The following COL4A5 variants were observed in gnomAD, a reference collection of about 807,000 sequenced individuals.
COL4A5 encodes collagen type IV alpha 5 chain, also known as collagen alpha-5(IV) chain.
In COL4A5, 26 loss-of-function variants were observed where a neutral mutation model predicts 130.2. That is an observed-to-expected ratio of 0.20 (90% CI 0.15 to 0.28). The LOEUF (loss-of-function observed/expected upper bound fraction) is 0.28, where lower values mean the gene tolerates loss of function less well. COL4A5 is among the 10% of genes least tolerant of loss of function. COL4A5 has a pLI of 1.00. For synonymous variants in COL4A5, 496 were observed against 439.6 expected, an observed-to-expected ratio of 1.13 and a Z score of -1.60; for missense variants, 1,131 against 1,344.3, an observed-to-expected ratio of 0.84 and a Z score of 2.48.
chrX:108,602,833 T>C, intron 27 of COL4A5, 131 bp from the exon 28 acceptor site: 1 of 510,239 alleles, frequency 2.0e-6, no homozygotes, highest in South Asian at 2.8e-5. Context: ...TCCTAAGTAG[T>C]AGAATGTCAT....
At chrX:108,659,239 A>G (rs1252773166) in intron 37 of COL4A5, among the ~76,000 whole-genome samples, 9 of 111,141 alleles carry the variant, frequency 8.1e-5, no homozygotes, top group African/African-American at 2.9e-4. Flanking sequence ...TTTTAATTTG[A>G]TTCTATTGTG....
In COL4A5 at chrX:108,677,699, C is replaced by T. The variant is rs1474338214; in HGVS notation, c.3942+66C>T. On this transcript the variant is annotated intron_variant, in intron 44 of 52. Coordinates refer to ENST00000328300, the MANE Select transcript of COL4A5 (RefSeq NM_033380.3). ...GGTGTTTGTATTCAAAATGTGAATTCTAAGCTGCATCATTTTAATTAACAC... is the reference window on the plus strand; with the variant it reads ...GGTGTTTGTATTCAAAATGTGAATTTTAAGCTGCATCATTTTAATTAACAC... 6.2e-6 allele frequency: 7 copies of T among 1,128,324 alleles called. No individual in the cohort carries two copies. In the Admixed American group the frequency reaches 1.1e-4, roughly 18 times the overall value. 93.0% of individuals were successfully genotyped at this position (1,128,324 alleles called of 1,213,427 possible). A position where few individuals can be genotyped will look rare whatever the true frequency, so the allele number is the denominator to read the frequency against.
intron 1 of COL4A5, among the ~76,000 whole-genome samples, chrX:108,484,414 T>C (rs1164707805): frequency 8.9e-6 from 1 of 112,028 alleles, no homozygotes; most frequent in African/African-American, 3.2e-5. Flanking sequence ...GTAGTTATTG[T>C]TCACAGTTTG....
At chrX:108,526,600 CTTTCTTTCTTTCTTTCT>C (rs2065317207) in intron 1 of COL4A5, among the ~76,000 whole-genome samples, 23 of 23,298 alleles carry the variant, frequency 9.9e-4, no homozygotes, top group South Asian at 3.6e-3. Context: ...TCCCTCCTTT[CTTTCTTTCTTTCTTTCT>C]TTCTTTCTTT....
chrX:108,672,204 A>AGAT (rs1456131210), intron 42 of COL4A5, among the ~76,000 whole-genome samples: 2 of 112,418 alleles, frequency 1.8e-5, no homozygotes, highest in Non-Finnish European at 3.7e-5. Context: ...ACTATCACTA[A>AGAT]GATAAAGCAA....
rs777453684 is a variant in COL4A5 at position 108,546,469 on chromosome X, A to G, written c.141+6664A>G. 8.0e-5 allele frequency among the ~76,000 whole-genome samples: 9 copies of G among 112,171 alleles called. No homozygotes were observed. In the East Asian group the frequency reaches 2.0e-3, roughly 24 times the overall value. On this transcript the variant is annotated intron_variant, in intron 2 of 52. Transcript: ENST00000328300. ...TCTTCTGGCTTGTAGAGTTTCTGCCAAGAGATCCACTGTTAGTCTGATGGG... is the reference window on the plus strand; with the variant it reads ...TCTTCTGGCTTGTAGAGTTTCTGCCGAGAGATCCACTGTTAGTCTGATGGG...
intron 29 of COL4A5, among the ~76,000 whole-genome samples, chrX:108,608,883 T>C (rs1051136486): frequency 8.9e-6 from 1 of 111,927 alleles, no homozygotes; most frequent in Non-Finnish European, 1.9e-5. Context: ...TCCTTATAAA[T>C]GGAACTCCTT....
rs762702742 is a variant in COL4A5, at chrX:108,646,797, A to G, written c.3247-8534A>G. 5.4e-3 allele frequency among the ~76,000 whole-genome samples: 606 copies of G among 111,532 alleles called. 2 individuals are homozygous for G. The highest frequency in any genetic ancestry group is 0.018 in the African/African-American group (564 of 30,524). On this transcript the variant is annotated intron_variant, in intron 36 of 52. Coordinates refer to ENST00000328300, the MANE Select transcript of COL4A5 (RefSeq NM_033380.3). Reference sequence around the variant, plus strand: ...GGTATCCAGTTTCAGCTTTCTACATATGGCTAGCCAGTTTTCCCAGCACCA... The same window carrying G: ...GGTATCCAGTTTCAGCTTTCTACATGTGGCTAGCCAGTTTTCCCAGCACCA...
intron 1 of COL4A5, among the ~76,000 whole-genome samples, chrX:108,467,764 T>C (rs1179038627): frequency 8.9e-6 from 1 of 112,097 alleles, no homozygotes; most frequent in African/African-American, 3.2e-5. Context: ...GATGTTATTG[T>C]AAATGGAATT....
intron 1 of COL4A5, among the ~76,000 whole-genome samples, chrX:108,490,047 T>C (rs2064980692): frequency 1.8e-5 from 2 of 111,729 alleles, no homozygotes; most frequent in African/African-American, 6.5e-5. Context: ...AGTGGTAACA[T>C]CTTGCAGAAC....
intron 1 of COL4A5, among the ~76,000 whole-genome samples, chrX:108,512,169 G>A (rs1210165313): frequency 1.8e-5 from 2 of 112,071 alleles, no homozygotes; most frequent in African/African-American, 3.2e-5. Context: ...AATTCCATAA[G>A]ATGAAATGCA....
intron 47 of COL4A5, among the ~76,000 whole-genome samples, 154 bp downstream of exon 47, chrX:108,682,042 G>A (rs1286363605): frequency 9.0e-6 from 1 of 111,549 alleles, no homozygotes; most frequent in African/African-American, 3.3e-5. Flanking sequence ...TTCTCCTAAT[G>A]CTATCCCTCC....
intron 51 of COL4A5, 109 bp from the exon 52 acceptor site, chrX:108,695,158 G>C: frequency 9.9e-7 from 1 of 1,008,178 alleles, no homozygotes; most frequent in South Asian, 1.9e-5. Context: ...CTCTGGGCCT[G>C]TTCCTTCACT....
chrX:108,695,436 T>C lies in COL4A5; in HGVS notation c.4991T>C (p.Phe1664Ser). The C allele has an allele frequency of 8.3e-7, 1 of 1,210,628 alleles. No individual in the cohort carries two copies. Among genetic ancestry groups the C allele is most frequent in the South Asian group, 1.8e-5 (1 of 56,980 alleles). The change falls in exon 52 of 53, where the codon TTC becomes TCC. Residue 1664 changes from phenylalanine to serine, a missense_variant. Transcript: ENST00000328300. ...WLATVDVSDM[F>S]SKPQSETLKA... ...GCAACTGTAGATGTGTCAGACATGT[T>C]CAGGTAAAGTGCTTATAGCTTTAAT...
chrX:108,448,134 C>T (rs760104302), intron 1 of COL4A5, among the ~76,000 whole-genome samples: 26 of 112,246 alleles, frequency 2.3e-4, no homozygotes, highest in African/African-American at 8.1e-4. Flanking sequence ...GAAATGGGAA[C>T]CTTAAATCCC....
At chrX:108,626,487 T>C (rs1216848669) in intron 36 of COL4A5, 138 bp downstream of exon 36, 1 of 1,164,186 alleles carries the variant, frequency 8.6e-7, no homozygotes, top group South Asian at 1.9e-5. Flanking sequence ...ATTCCTTTTC[T>C]TTTCTCTTAG....
chrX:108,463,090 A>T (rs767941593), intron 1 of COL4A5: 1 of 112,023 alleles, frequency 8.9e-6, no homozygotes, highest in South Asian at 3.8e-4. Context: ...GGTCTCGTGA[A>T]AGCACCAAAA....
chrX:108,596,031 CA>C (rs2066510281), intron 22 of COL4A5, among the ~76,000 whole-genome samples: 1 of 111,478 alleles, frequency 9.0e-6, no homozygotes, highest in Non-Finnish European at 1.9e-5. Context: ...AATCAACTGC[CA>C]GTATTCCTCT....
chrX:108,566,202 A>G lies in COL4A5; in HGVS notation c.276+2276A>G, dbSNP rs192675758. ...TAATAGGACAATGAGTTGCTACACC[A>G]GAAACTTCAAGTGGTCATCAAGGAA... On this transcript the variant is annotated intron_variant, in intron 4 of 52. Coordinates refer to ENST00000328300, the MANE Select transcript of COL4A5 (RefSeq NM_033380.3). Among the ~76,000 whole-genome samples, 809 of 110,527 alleles carry G rather than the reference A, an allele frequency of 7.3e-3. 3 individuals are homozygous for G. The highest frequency in any genetic ancestry group is 0.025 in the African/African-American group (776 of 30,435).
Sources: gnomAD v4.1 joint callset for allele counts (sites outside exome capture counted in the v4.1 genomes callset) on GRCh38, gnomAD v4.1.1 for gene constraint, MANE v1.5 for transcripts, NCBI Gene and HGNC (gene_info 2026-07-23, HGNC 2026-07-21) for gene names.